The following WDPCP variants were observed in gnomAD, a reference collection of about 807,000 sequenced individuals.
WDPCP encodes WD repeat containing planar cell polarity effector.
In WDPCP, 71 loss-of-function variants were observed where a neutral mutation model predicts 93.1. The ratio of observed to expected loss-of-function variants is 0.76; its 90% CI spans 0.63 to 0.93. WDPCP has a LOEUF of 0.93. Among genes scored for constraint, WDPCP ranks in the 40% least tolerant of loss-of-function variants. WDPCP has a pLI of 0.00. For missense variants in WDPCP, 844 were observed against 887.4 expected (o/e 0.95, Z 0.62); for synonymous variants, 315 against 315.0 (o/e 1.00, Z 0.00).
At chr2:63,732,600 G>T (rs745547495) in intron 2 of WDPCP, among the ~76,000 whole-genome samples, 1 of 152,066 alleles carries the variant, frequency 6.6e-6, no homozygotes, top group South Asian at 2.1e-4. Flanking sequence ...GAGTCTACAA[G>T]AAATAAAGGA....
chr2:63,812,114 C>T (rs2104091944), intron 2 of WDPCP, among the ~76,000 whole-genome samples: 1 of 152,284 alleles, frequency 6.6e-6, no homozygotes, highest in Non-Finnish European at 1.5e-5. Flanking sequence ...ATCCTCCTGC[C>T]TCGGCATCCC....
At chr2:63,285,825 G>A (rs939655911) in intron 13 of WDPCP, among the ~76,000 whole-genome samples, 5 of 152,150 alleles carry the variant, frequency 3.3e-5, no homozygotes, top group Non-Finnish European at 7.3e-5. Context: ...CACTCCTCTC[G>A]AAGTAGTTGA....
At chr2:63,277,841 GGTC>G (rs1683203880) in intron 13 of WDPCP, among the ~76,000 whole-genome samples, 1 of 152,142 alleles carries the variant, frequency 6.6e-6, no homozygotes, top group African/African-American at 2.4e-5. Context: ...GTACTAAACA[GGTC>G]GTCAAGACAG....
chr2:63,236,935 G>A (rs77682959), intron 14 of WDPCP, among the ~76,000 whole-genome samples: 2,056 of 151,656 alleles, frequency 0.014, 49 homozygotes, highest in African/African-American at 0.047. Context: ...TTTATGACTT[G>A]ATAGACATCC....
chr2:63,376,978 T>C (rs887800507), intron 12 of WDPCP, among the ~76,000 whole-genome samples: 5 of 151,864 alleles, frequency 3.3e-5, no homozygotes, highest in Admixed American at 6.6e-5. Flanking sequence ...AATCTGAAGT[T>C]TCCCCCTTCT....
At chr2:63,738,534 G>C (rs1669670824) in intron 2 of WDPCP, among the ~76,000 whole-genome samples, 1 of 151,966 alleles carries the variant, frequency 6.6e-6, no homozygotes, top group Admixed American at 6.6e-5. Flanking sequence ...ATTTTTGTCT[G>C]TTTGATCATG....
chr2:63,260,557 A>G (rs1031882055), intron 13 of WDPCP, among the ~76,000 whole-genome samples: 2 of 152,080 alleles, frequency 1.3e-5, no homozygotes, highest in African/African-American at 2.4e-5. Flanking sequence ...TTTATTTATT[A>G]ATTTATTTTT....
At chr2:63,564,658 T>C (rs2106433174) in intron 1 of WDPCP, 1 of 152,306 alleles carries the variant, frequency 6.6e-6, no homozygotes, top group East Asian at 1.9e-4. Flanking sequence ...AATTTCGTTA[T>C]TCAAAATTAA....
chr2:63,158,725 T>A (rs539126505), intron 15 of WDPCP, among the ~76,000 whole-genome samples: 38 of 152,130 alleles, frequency 2.5e-4, no homozygotes, highest in African/African-American at 7.9e-4. Flanking sequence ...TTCATTTTTT[T>A]AAAAAAATAT....
intron 6 of WDPCP, among the ~76,000 whole-genome samples, chr2:63,449,905 G>C (rs1327167646): frequency 6.6e-6 from 1 of 152,110 alleles, no homozygotes; most frequent in Non-Finnish European, 1.5e-5. Context: ...CCACTCAGAA[G>C]GCTACAGCAA....
intron 1 of WDPCP, among the ~76,000 whole-genome samples, chr2:63,587,224 C>A (rs1245101302): frequency 6.6e-6 from 1 of 152,114 alleles, no homozygotes; most frequent in Non-Finnish European, 1.5e-5. Context: ...TGAAGTGATG[C>A]AACTTATGAA....
At chr2:63,223,900 C>A (rs1445459174) in intron 14 of WDPCP, among the ~76,000 whole-genome samples, 1 of 152,046 alleles carries the variant, frequency 6.6e-6, no homozygotes, top group African/African-American at 2.4e-5. Context: ...GTCTGTTTGT[C>A]TATTCTTGCA....
intron 1 of WDPCP, among the ~76,000 whole-genome samples, chr2:63,532,748 C>G (rs751086825): frequency 7.2e-5 from 11 of 152,154 alleles, no homozygotes; most frequent in Non-Finnish European, 1.5e-4. Flanking sequence ...CCAGCCACTG[C>G]AAAAACATGT....
intron 15 of WDPCP, among the ~76,000 whole-genome samples, chr2:63,166,908 T>C (rs915021261): frequency 2.6e-5 from 4 of 152,190 alleles, no homozygotes; most frequent in Non-Finnish European, 4.4e-5. Context: ...TCTATCTGAT[T>C]GTATTTTTGT....
intron 6 of WDPCP, among the ~76,000 whole-genome samples, chr2:63,466,675 GATAA>G (rs1365245664): frequency 6.6e-6 from 1 of 152,116 alleles, no homozygotes; most frequent in Non-Finnish European, 1.5e-5. Context: ...TTAAAAACTA[GATAA>G]ATATTTGGTA....
chr2:63,742,140 C>T (rs1190762762), intron 2 of WDPCP, among the ~76,000 whole-genome samples: 1 of 151,938 alleles, frequency 6.6e-6, no homozygotes. Flanking sequence ...ATTAGTCTCC[C>T]CTATCTCTAA....
chr2:63,798,773 C>CA (rs1200658452), intron 2 of WDPCP, among the ~76,000 whole-genome samples: 1 of 152,006 alleles, frequency 6.6e-6, no homozygotes, highest in Non-Finnish European at 1.5e-5. Flanking sequence ...AATCAAAAGA[C>CA]AGAGAGTGGC....
chr2:63,768,346 T>C (rs1670176781), intron 2 of WDPCP, among the ~76,000 whole-genome samples: 1 of 151,914 alleles, frequency 6.6e-6, no homozygotes, highest in Non-Finnish European at 1.5e-5. Context: ...TTCCTTTTTT[T>C]TTTTTTTCCA....
In WDPCP at chr2:63,443,288, G is replaced by A. The variant is rs1386122032; in HGVS notation, c.385-3417C>T. The A allele has an allele frequency of 2.6e-5, 4 of 152,188 alleles. No homozygotes were observed. The East Asian group carries it at 7.7e-4, about 29-fold the overall frequency. 9.4% of individuals were successfully genotyped at this position (152,188 alleles called of 1,614,324 possible). On this transcript the variant is annotated intron_variant, in intron 6 of 17. Transcript: ENST00000272321. ...AATAGTTTTAATATAATGTACAATAGCAATAAGAACTATAGAGCAAATTTA... is the reference window on the plus strand; with the variant it reads ...AATAGTTTTAATATAATGTACAATAACAATAAGAACTATAGAGCAAATTTA...
Sources: allele counts gnomAD v4.1 joint callset (sites outside exome capture counted in the v4.1 genomes callset), GRCh38; gene constraint gnomAD v4.1.1; transcripts MANE v1.5; gene names NCBI Gene and HGNC (gene_info 2026-07-23, HGNC 2026-07-21).